The following ENOX1 variants were observed in gnomAD, a reference collection of about 807,000 sequenced individuals.
ENOX1 encodes candidate growth-related and time keeping constitutive hydroquinone (NADH) oxidase.
A neutral mutation model predicts 82.5 loss-of-function variants in ENOX1; 42 were observed. The ratio of observed to expected loss-of-function variants is 0.51; its 90% CI spans 0.40 to 0.66. The LOEUF is 0.66. Among genes scored for constraint, ENOX1 ranks in the 30% least tolerant of loss-of-function variants. ENOX1 has a pLI of 0.00. For synonymous variants in ENOX1, 271 were observed against 282.2 expected (o/e 0.96, Z 0.40); for missense variants, 608 against 811.6 (o/e 0.75, Z 3.05).
At chr13:43,620,102 C>G (rs972097604) in intron 2 of ENOX1, among the ~76,000 whole-genome samples, 1 of 152,062 alleles carries the variant, frequency 6.6e-6, no homozygotes, top group Non-Finnish European at 1.5e-5. Context: ...TGTAATATCT[C>G]CTGTTTCCTT....
At chr13:43,396,542 G>C (rs1294459571) in intron 5 of ENOX1, among the ~76,000 whole-genome samples, 1 of 152,060 alleles carries the variant, frequency 6.6e-6, no homozygotes, top group Non-Finnish European at 1.5e-5. Context: ...ACCATGCCTG[G>C]CTAATTTTTT....
At chr13:43,674,436 T>C (rs2153792639) in intron 1 of ENOX1, among the ~76,000 whole-genome samples, 1 of 152,208 alleles carries the variant, frequency 6.6e-6, no homozygotes, top group South Asian at 2.1e-4. Context: ...TAAAAAGACA[T>C]GGAATAACCT....
At chr13:43,426,064 G>T (rs1317356142) in intron 3 of ENOX1, among the ~76,000 whole-genome samples, 1 of 152,174 alleles carries the variant, frequency 6.6e-6, no homozygotes, top group African/African-American at 2.4e-5. Context: ...GCCTAGAAAG[G>T]TTTTAAATGG....
At chr13:43,316,465 T>C (rs1461178176) in intron 11 of ENOX1, among the ~76,000 whole-genome samples, 1 of 152,166 alleles carries the variant, frequency 6.6e-6, no homozygotes, top group Admixed American at 6.5e-5. Context: ...AATAGGATTA[T>C]AAAGGGGCTA....
At chr13:43,673,027 T>C (rs997648510) in intron 1 of ENOX1, among the ~76,000 whole-genome samples, 2 of 152,164 alleles carry the variant, frequency 1.3e-5, no homozygotes, top group Admixed American at 6.5e-5. Context: ...ATCAATTCTT[T>C]GTTTAGTTTC....
intron 2 of ENOX1, among the ~76,000 whole-genome samples, chr13:43,561,432 T>C (rs1035896673): frequency 2.6e-5 from 4 of 152,086 alleles, no homozygotes; most frequent in African/African-American, 9.7e-5. Flanking sequence ...TCCTAATACA[T>C]ATGATGCATA....
At chr13:43,526,568 T>C (rs1265730184) in intron 2 of ENOX1, among the ~76,000 whole-genome samples, 1 of 152,092 alleles carries the variant, frequency 6.6e-6, no homozygotes, top group Non-Finnish European at 1.5e-5. Context: ...TAGCAGAACA[T>C]TTTGGAGTTC....
chr13:43,236,770 G>T (rs753851720), intron 14 of ENOX1, 32 bp from the exon 15 acceptor site: 2 of 1,325,876 alleles, frequency 1.5e-6, no homozygotes, highest in South Asian at 1.4e-5. Flanking sequence ...ACCATATATG[G>T]GTTTATGTAG....
chr13:43,650,944 C>A (rs1380436163), intron 2 of ENOX1, among the ~76,000 whole-genome samples: 1 of 152,210 alleles, frequency 6.6e-6, no homozygotes, highest in African/African-American at 2.4e-5. Flanking sequence ...CTCAATCCAA[C>A]CTTTTTTGGG....
At chr13:43,443,998 G>A (rs2056496206) in intron 3 of ENOX1, among the ~76,000 whole-genome samples, 1 of 152,170 alleles carries the variant, frequency 6.6e-6, no homozygotes, top group Non-Finnish European at 1.5e-5. Flanking sequence ...GGAAGTACAG[G>A]TAGTAAGAAG....
chr13:43,380,762 C>T lies in ENOX1; in HGVS notation c.209-19310G>A, dbSNP rs556808906. ...AAAAGAAAGCTGGAAAGGGGGCATG[C>T]TAATATTAGGAAAAGTGAATTTCAG... is the stretch of plus-strand genomic sequence containing the variant. On this transcript the variant is annotated intron_variant, in intron 5 of 16. Transcript: ENST00000690772. 2.0e-3 allele frequency among the ~76,000 whole-genome samples: 305 copies of T among 151,602 alleles called. 2 individuals carry two copies. The highest frequency in any genetic ancestry group is 7.2e-3 in the African/African-American group (297 of 41,454).
chr13:43,384,067 T>C (rs1351533200), intron 5 of ENOX1, among the ~76,000 whole-genome samples: 1 of 152,210 alleles, frequency 6.6e-6, no homozygotes, highest in African/African-American at 2.4e-5. Context: ...TTCAAACAGA[T>C]TACTTAGCTT....
At chr13:43,515,616 A>T (rs921135398) in intron 2 of ENOX1, among the ~76,000 whole-genome samples, 1 of 152,196 alleles carries the variant, frequency 6.6e-6, no homozygotes, top group African/African-American at 2.4e-5. Context: ...CAGAAAAGCT[A>T]AAGGGACTTC....
intron 11 of ENOX1, among the ~76,000 whole-genome samples, chr13:43,310,811 A>G (rs2009246): frequency 0.95 from 144,985 of 152,076 alleles, 69,526 homozygotes; most frequent in East Asian, 1. Context: ...AGCTTCAGTC[A>G]TTACCTCTTT....
At chr13:43,247,854 TATATATA>T (rs2043183983) in intron 14 of ENOX1, among the ~76,000 whole-genome samples, 1 of 4,668 alleles carries the variant, frequency 2.1e-4, no homozygotes, top group Non-Finnish European at 6.1e-4. Flanking sequence ...TATATATATA[TATATATA>T]TATATATATA....
chr13:43,751,523 ACTCT>A (rs140661833), intron 1 of ENOX1, among the ~76,000 whole-genome samples: 2,064 of 152,096 alleles, frequency 0.014, 49 homozygotes, highest in African/African-American at 0.048. Flanking sequence ...CCTTTTGTCA[ACTCT>A]CTCTGTCACT....
At chr13:43,736,760 G>A (rs1397979574) in intron 1 of ENOX1, among the ~76,000 whole-genome samples, 1 of 152,192 alleles carries the variant, frequency 6.6e-6, no homozygotes, top group African/African-American at 2.4e-5. Flanking sequence ...GCAAAAGGCA[G>A]GTTCTGCAGG....
intron 5 of ENOX1, among the ~76,000 whole-genome samples, chr13:43,390,302 T>C (rs1246526909): frequency 6.6e-6 from 1 of 151,740 alleles, no homozygotes; most frequent in African/African-American, 2.4e-5. Flanking sequence ...GAGAAATTAC[T>C]CAAGAGGGAG....
chr13:43,491,467 A>T (rs536876615), intron 2 of ENOX1, among the ~76,000 whole-genome samples: 2 of 152,320 alleles, frequency 1.3e-5, no homozygotes, highest in South Asian at 4.1e-4. Flanking sequence ...GGTGATAAAC[A>T]TTTGAACTAA....
Sources: allele counts gnomAD v4.1 joint callset (sites outside exome capture counted in the v4.1 genomes callset), GRCh38; gene constraint gnomAD v4.1.1; transcripts MANE v1.5; gene names NCBI Gene and HGNC (gene_info 2026-07-23, HGNC 2026-07-21).